Variants in LRRC40 observed in about 807,000 individuals in gnomAD.
LRRC40 encodes the protein leucine rich repeat containing 40.
Under a neutral mutation model 72.8 loss-of-function variants are expected in LRRC40, and 76 were observed. The ratio of observed to expected loss-of-function variants is 1.04; its 90% CI spans 0.87 to 1.26. The LOEUF is 1.26. Ranked by LOEUF, LRRC40 falls within the 50% of genes most tolerant of loss-of-function variation. The probability of loss-of-function intolerance (pLI) is 0.00; values close to 1 mark genes in which losing one functional copy is unlikely to be tolerated. For missense variants in LRRC40, 684 were observed against 698.9 expected (o/e 0.98, Z 0.24); for synonymous variants, 243 against 254.2 (o/e 0.96, Z 0.42).
chr1:70,192,635 T>C (rs1046607646), intron 1 of LRRC40, among the ~76,000 whole-genome samples: 7 of 152,124 alleles, frequency 4.6e-5, no homozygotes, highest in African/African-American at 1.7e-4. Context: ...TATGCAGCCA[T>C]GAAAAAGAAC....
At chr1:70,166,779 G>A (rs917600002) in intron 9 of LRRC40, among the ~76,000 whole-genome samples, 4 of 151,920 alleles carry the variant, frequency 2.6e-5, no homozygotes, top group East Asian at 1.9e-4. Context: ...AGCTGAGCTG[G>A]ATATTTTCTA....
intron 9 of LRRC40, among the ~76,000 whole-genome samples, chr1:70,169,397 A>T (rs1226290671): frequency 2.0e-5 from 3 of 152,218 alleles, no homozygotes; most frequent in Non-Finnish European, 4.4e-5. Flanking sequence ...GGCCCCAGTC[A>T]GTCACAACTG....
At position 70,189,076 on chromosome 1, in the gene LRRC40, T is replaced by C. The variant is rs778166919; in HGVS notation, c.333+16A>G. On this transcript the variant is annotated intron_variant, in intron 2 of 14. Transcript: ENST00000370952. ...CTCTTCAATTAATAATCCATATTTA[T>C]AGTCAGTCAACTTACATCAAGAACA... The C allele has an allele frequency of 1.4e-5, 22 of 1,599,392 alleles. No individual in the cohort carries two copies. The highest frequency in any genetic ancestry group is 9.0e-5 in the East Asian group (4 of 44,622).
intron 11 of LRRC40, among the ~76,000 whole-genome samples, chr1:70,155,182 T>C (rs527983379): frequency 5.3e-5 from 8 of 152,262 alleles, no homozygotes; most frequent in African/African-American, 1.9e-4. Context: ...AATGACTGCA[T>C]GTGAAGAATC....
chr1:70,202,694 A>G (rs966394275), intron 1 of LRRC40, among the ~76,000 whole-genome samples: 1 of 152,198 alleles, frequency 6.6e-6, no homozygotes, highest in Non-Finnish European at 1.5e-5. Context: ...TCCAGTTAAT[A>G]ATAATGTATC....
Position 70,205,396 on chromosome 1 carries a change from T to C in LRRC40, c.145A>G (p.Ser49Gly), listed in dbSNP as rs1668921168. Residue 49 changes from serine (S) to glycine (G), a missense_variant, in exon 1 of 15, where the codon AGT becomes GGT. Physicochemically the swap from Ser to Gly is moderately conservative, Grantham distance 56. Transcript: ENST00000370952. ...TCGTACCTCTGGGTCTTACCTTCAC[T>C]GAGGTTTCTACCCGACAGGTTTAAC... ...GQLNLSGRNLSEVPQCVWRIN... is the reference protein window; with the variant it reads ...GQLNLSGRNLGEVPQCVWRIN... 1.9e-6 allele frequency: 3 copies of C among 1,589,356 alleles called. No individual in the cohort carries two copies. The East Asian group carries it at 6.8e-5, about 36-fold the overall frequency.
intron 9 of LRRC40, among the ~76,000 whole-genome samples, chr1:70,161,966 T>C (rs1346491736): frequency 6.6e-6 from 1 of 152,192 alleles, no homozygotes; most frequent in East Asian, 1.9e-4. Context: ...TGTATTTTTA[T>C]GGGAGCAGTA....
At chr1:70,160,188 A>T (rs191997728) in intron 9 of LRRC40, among the ~76,000 whole-genome samples, 1 of 152,248 alleles carries the variant, frequency 6.6e-6, no homozygotes, top group Non-Finnish European at 1.5e-5. Flanking sequence ...ACAATGTGAA[A>T]ACGATGAAAC....
At chr1:70,169,765 A>T (rs890507629) in intron 9 of LRRC40, among the ~76,000 whole-genome samples, 16 of 152,144 alleles carry the variant, frequency 1.1e-4, no homozygotes, top group Non-Finnish European at 2.2e-4. Flanking sequence ...GTATATCTAT[A>T]ACACGTGAAG....
At chr1:70,170,567 T>G (rs1667979045) in intron 9 of LRRC40, among the ~76,000 whole-genome samples, 1 of 152,170 alleles carries the variant, frequency 6.6e-6, no homozygotes, top group South Asian at 2.1e-4. Context: ...CAAAAATCAT[T>G]GTATTCCTAT....
intron 1 of LRRC40, among the ~76,000 whole-genome samples, chr1:70,193,799 T>C (rs1299516318): frequency 6.6e-6 from 1 of 152,004 alleles, no homozygotes; most frequent in Non-Finnish European, 1.5e-5. Context: ...TGGTTTAACA[T>C]TTGAAAATTA....
At chr1:70,204,074 G>A (rs1668824824) in intron 1 of LRRC40, among the ~76,000 whole-genome samples, 1 of 152,144 alleles carries the variant, frequency 6.6e-6, no homozygotes, top group Non-Finnish European at 1.5e-5. Context: ...TATCATCACG[G>A]ACCTAAGAGT....
At chr1:70,194,104 A>G (rs894870987) in intron 1 of LRRC40, among the ~76,000 whole-genome samples, 69 of 152,090 alleles carry the variant, frequency 4.5e-4, no homozygotes, top group African/African-American at 1.5e-3. Context: ...AAAGAAGAAA[A>G]AGAAATAAAT....
intron 9 of LRRC40, among the ~76,000 whole-genome samples, chr1:70,160,534 T>C (rs550852882): frequency 6.6e-6 from 1 of 152,292 alleles, no homozygotes; most frequent in South Asian, 2.1e-4. Flanking sequence ...GCAGTTTGGT[T>C]AAGTTACTTT....
intron 10 of LRRC40, among the ~76,000 whole-genome samples, chr1:70,159,102 T>C (rs1254868589): frequency 6.6e-6 from 1 of 151,788 alleles, no homozygotes; most frequent in Non-Finnish European, 1.5e-5. Flanking sequence ...TTTTTCCTCA[T>C]CAATTGTCCT....
chr1:70,197,950 C>T (rs1038541660), intron 1 of LRRC40, among the ~76,000 whole-genome samples: 2 of 151,926 alleles, frequency 1.3e-5, no homozygotes, highest in Non-Finnish European at 2.9e-5. Context: ...TTAGTAGAGA[C>T]GAAGTTTTGC....
At chr1:70,200,639 G>C (rs997085786) in intron 1 of LRRC40, among the ~76,000 whole-genome samples, 2 of 152,038 alleles carry the variant, frequency 1.3e-5, no homozygotes, top group Non-Finnish European at 2.9e-5. Context: ...ATTGTTTGAA[G>C]GTGTCATTAA....
rs773947092 is a variant in LRRC40 at position 70,152,509 on chromosome 1, C to T, written c.1363G>A (p.Asp455Asn). The change falls in exon 12 of 15, where the codon GAT (aspartate) becomes AAT (asparagine). Residue 455 changes from aspartate to asparagine, a missense_variant. Transcript: ENST00000370952. ...AAGGAAAGTTTATTAAAACTGAGAT[C>T]GACATCAGAAACCATTTCCTTCAGT... ...VELKEMVSDV[D>N]LSFNKLSFIS... 1.9e-6 allele frequency: 3 copies of T among 1,605,514 alleles called. No homozygotes were observed. The highest frequency in any genetic ancestry group is 1.7e-6 in the Non-Finnish European group (2 of 1,173,106).
intron 10 of LRRC40, 117 bp from the exon 11 acceptor site, chr1:70,155,913 A>T: frequency 2.2e-6 from 1 of 451,572 alleles, no homozygotes; most frequent in South Asian, 6.1e-5. Context: ...AAAGCCATTG[A>T]TTATAAAATT....
Sources: allele counts gnomAD v4.1 joint callset (sites outside exome capture counted in the v4.1 genomes callset), GRCh38; gene constraint gnomAD v4.1.1; transcripts MANE v1.5; gene names NCBI Gene and HGNC (gene_info 2026-07-23, HGNC 2026-07-21).